The following ELAC2 variants were observed in gnomAD, a reference collection of about 807,000 sequenced individuals.
ELAC2 encodes zinc phosphodiesterase ELAC protein 2.
In ELAC2, 92 loss-of-function variants were observed where a neutral mutation model predicts 105.2. That is an observed-to-expected ratio of 0.87 (90% CI 0.74 to 1.04). The LOEUF is 1.04. ELAC2 is among the 50% of genes least tolerant of loss of function. The pLI, the probability that ELAC2 is intolerant of heterozygous loss-of-function variation, is 0.00. For missense variants in ELAC2, 1,099 were observed against 1,071.7 expected, an observed-to-expected ratio of 1.03 and a Z score of -0.36; for synonymous variants, 468 against 409.1, an observed-to-expected ratio of 1.14 and a Z score of -1.74.
intron 14 of ELAC2, among the ~76,000 whole-genome samples, chr17:13,001,197 C>A (rs371790319): frequency 6.7e-4 from 102 of 152,214 alleles, no homozygotes; most frequent in African/African-American, 2.3e-3. Context: ...AGGTTCAGAT[C>A]CTTAAAAATT....
At position 12,996,249 on chromosome 17, in the gene ELAC2, C is replaced by T. The variant is rs146324232; in HGVS notation, c.1660-271G>A. ...CCAAGGTGAGGGTCTCATAGCCACACCTCCTGCATCCGGTCAAAGCTTCCG... is the reference window on the plus strand; with the variant it reads ...CCAAGGTGAGGGTCTCATAGCCACATCTCCTGCATCCGGTCAAAGCTTCCG... On this transcript the variant is annotated intron_variant, in intron 17 of 23. Transcript: ENST00000338034. 1.8e-3 allele frequency: 1,127 copies of T among 626,166 alleles called. 3 individuals are homozygous for T. Among genetic ancestry groups the T allele is most frequent in the Middle Eastern group, 6.1e-3 (18 of 2,962 alleles). The allele number at this position is 626,166 out of a possible 1,614,324, so 38.8% of individuals were successfully genotyped here.
At chr17:13,010,172 T>C (rs543295811) in intron 8 of ELAC2, among the ~76,000 whole-genome samples, 118 of 141,304 alleles carry the variant, frequency 8.4e-4, no homozygotes, top group African/African-American at 2.7e-3. Context: ...GTCATTTCTA[T>C]CGAATTTTTT....
chr17:13,000,350 G>C, intron 14 of ELAC2, 76 bp from the exon 15 acceptor site: 1 of 1,338,080 alleles, frequency 7.5e-7, no homozygotes, highest in Non-Finnish European at 1.1e-6. Context: ...GGGATGTCCA[G>C]AATAAATTCA....
intron 8 of ELAC2, among the ~76,000 whole-genome samples, chr17:13,009,006 C>G (rs1156607680): frequency 6.6e-6 from 1 of 152,092 alleles, no homozygotes; most frequent in Non-Finnish European, 1.5e-5. Context: ...TTCCGGAAAG[C>G]AGGAATACGA....
intron 8 of ELAC2, among the ~76,000 whole-genome samples, chr17:13,009,074 AAAAAT>A (rs1416736047): frequency 6.6e-6 from 1 of 152,248 alleles, no homozygotes; most frequent in Non-Finnish European, 1.5e-5. Flanking sequence ...ATAGATTATC[AAAAAT>A]AAAATATTTT....
Position 12,993,027 on chromosome 17 carries a change from GA to G in ELAC2, c.2271del (p.Pro758GlnfsTer6), listed in dbSNP as rs2040267385. ...FDHMKVCFGD[F>X]PTMPKLIPPL... is the part of the protein sequence containing the mutation. Reference sequence around the variant, plus strand: ...GGGGGAATCAGCTTGGGCATTGTTGGAAAGTCTCCAAAGCAGACCTAGAAGA... The same window carrying G: ...GGGGGAATCAGCTTGGGCATTGTTGGAAGTCTCCAAAGCAGACCTAGAAGA... On this transcript the variant is annotated frameshift_variant, in exon 24 of 24. Transcript: ENST00000338034. LOFTEE classifies it low-confidence loss of function (END_TRUNC). 1.2e-6 allele frequency: 2 copies of G among 1,603,752 alleles called. No individual in the cohort carries two copies. The highest frequency in any genetic ancestry group is 1.7e-5 in the Admixed American group (1 of 59,948).
At chr17:12,997,155 G>A (rs2040518116) in intron 16 of ELAC2, among the ~76,000 whole-genome samples, 1 of 152,078 alleles carries the variant, frequency 6.6e-6, no homozygotes, top group Non-Finnish European at 1.5e-5. Flanking sequence ...AAAGACACCT[G>A]GTGCAGGGCG....
At chr17:13,003,306 C>T (rs973608358) in intron 12 of ELAC2, 173 bp downstream of exon 12, 7 of 680,382 alleles carry the variant, frequency 1.0e-5, no homozygotes, top group South Asian at 3.2e-5. Flanking sequence ...ATTTTCTTCA[C>T]GAGTGTAGCA....
intron 16 of ELAC2, 91 bp from the exon 17 acceptor site, chr17:12,996,776 C>G (rs2040499035): frequency 6.5e-7 from 1 of 1,535,738 alleles, no homozygotes; most frequent in Non-Finnish European, 8.8e-7. Context: ...GACCAAGAAG[C>G]AACTGCAGAA....
rs2040233501 is a variant in ELAC2, at chr17:12,992,465, T to C, written c.*353A>G. On this transcript the variant is annotated 3_prime_UTR_variant, in exon 24 of 24. Transcript: ENST00000338034. ...CGGACACTTAGACCCACTGATCCTG[T>C]TACTCTGCTTGTCTCTGGTGTGCAG... The C allele has an allele frequency of 2.3e-6, 1 of 435,732 alleles. No homozygotes were observed. The highest frequency in any genetic ancestry group is 4.2e-6 in the Non-Finnish European group (1 of 235,592). The allele number at this position is 435,732 out of a possible 1,614,324, so 27.0% of individuals were successfully genotyped here. A position where few individuals can be genotyped will look rare whatever the true frequency, so the allele number is the denominator to read the frequency against.
At chr17:12,997,910 T>G (rs7211778) in intron 16 of ELAC2, among the ~76,000 whole-genome samples, 40,658 of 151,826 alleles carry the variant, frequency 0.27, 5,684 homozygotes, top group Middle Eastern at 0.33. Flanking sequence ...CCAATAAAGG[T>G]TCTGAACACA....
intron 6 of ELAC2, among the ~76,000 whole-genome samples, chr17:13,012,638 T>C (rs2041482446): frequency 6.6e-6 from 1 of 152,174 alleles, no homozygotes; most frequent in Admixed American, 6.5e-5. Flanking sequence ...AGCATCACAT[T>C]AGTTAGTACT....
At chr17:13,006,706 CATAAT>C (rs1279595298) in intron 8 of ELAC2, among the ~76,000 whole-genome samples, 4 of 152,198 alleles carry the variant, frequency 2.6e-5, no homozygotes, top group Non-Finnish European at 5.9e-5. Flanking sequence ...TGCCATGTAA[CATAAT>C]ATTTCAATGA....
intron 15 of ELAC2, 33 bp from the exon 16 acceptor site, chr17:12,998,541 C>T: frequency 6.3e-7 from 1 of 1,595,186 alleles, no homozygotes; most frequent in Non-Finnish European, 8.6e-7. Context: ...CAATCCATTC[C>T]TTTGGGTCAA....
intron 7 of ELAC2, among the ~76,000 whole-genome samples, chr17:13,011,308 G>A (rs186579099): frequency 6.6e-6 from 1 of 152,228 alleles, no homozygotes; most frequent in Admixed American, 6.5e-5. Flanking sequence ...CATTGGCTTA[G>A]CAGTTATAGT....
intron 8 of ELAC2, among the ~76,000 whole-genome samples, chr17:13,007,945 A>C (rs1030845573): frequency 9.2e-5 from 14 of 152,122 alleles, no homozygotes; most frequent in Non-Finnish European, 8.8e-5. Flanking sequence ...TCACTCCTGT[A>C]ACCCCAGCAC....
Position 12,992,735 on chromosome 17 carries a change from T to G in ELAC2, c.*83A>C. The G allele has an allele frequency of 2.6e-6, 4 of 1,543,774 alleles. No individual in the cohort carries two copies. Among genetic ancestry groups the G allele is most frequent in the Non-Finnish European group, 3.6e-6 (4 of 1,122,060 alleles). ...CTCCTGGGGGACCGTGCTCTTCAGC[T>G]TCTACCAGCAAGGAGGGCAGATACG... On this transcript the variant is annotated 3_prime_UTR_variant, in exon 24 of 24. Transcript: ENST00000338034.
intron 12 of ELAC2, 64 bp downstream of exon 12, chr17:13,003,415 G>A (rs1180820988): frequency 2.7e-6 from 4 of 1,466,684 alleles, no homozygotes; most frequent in East Asian, 2.3e-5. Flanking sequence ...CACGAGGGGA[G>A]GAAAGGGGAA....
At chr17:13,003,812 G>A (rs867254503) in intron 11 of ELAC2, 41 of 545,970 alleles carry the variant, frequency 7.5e-5, no homozygotes, top group African/African-American at 5.5e-4. Flanking sequence ...CTTTCCAGTA[G>A]GCCTGGCTGA....
Sources: gnomAD v4.1 joint callset for allele counts (sites outside exome capture counted in the v4.1 genomes callset) on GRCh38, gnomAD v4.1.1 for gene constraint, MANE v1.5 for transcripts, NCBI Gene and HGNC (gene_info 2026-07-23, HGNC 2026-07-21) for gene names.